The following CACNA1C variants were observed in gnomAD, a reference collection of about 807,000 sequenced individuals.
CACNA1C encodes voltage-dependent L-type calcium channel subunit alpha-1C.
In CACNA1C, 30 loss-of-function variants were observed where a neutral mutation model predicts 229.0. That is an observed-to-expected ratio of 0.13 (90% CI 0.10 to 0.18). The LOEUF is 0.18. Ranked by LOEUF, CACNA1C falls within the 10% of genes least tolerant of loss-of-function variation. The pLI, the probability that CACNA1C is intolerant of heterozygous loss-of-function variation, is 1.00. For synonymous variants in CACNA1C, 1,114 were observed against 1,132.5 expected (o/e 0.98, Z 0.33); for missense variants, 1,658 against 2,845.0 (o/e 0.58, Z 9.49).
At chr12:2,293,052 T>C (rs1213222882) in intron 3 of CACNA1C, among the ~76,000 whole-genome samples, 2 of 152,132 alleles carry the variant, frequency 1.3e-5, no homozygotes, top group Non-Finnish European at 2.9e-5. Context: ...CACAAACACT[T>C]GTGTGTATTA....
Position 2,585,315 on chromosome 12 carries a change from A to T in CACNA1C, c.2340-61A>T. The T allele has an allele frequency of 6.4e-7, 1 of 1,569,940 alleles. No individual in the cohort carries two copies. Among genetic ancestry groups the T allele is most frequent in the Non-Finnish European group, 8.6e-7 (1 of 1,156,544 alleles). On this transcript the variant is annotated intron_variant, in intron 16 of 46. Coordinates refer to ENST00000399655, the MANE Select transcript of CACNA1C (RefSeq NM_000719.7). This position sits in a 1 kb window ranked among gnomAD's most constrained non-coding sequence, Gnocchi z 4.1. The stretch of plus-strand genomic sequence containing the variant: ...ACAGGCCACAGGGCGGTTCCCTCCT[A>T]CACTGTTCCCTATCACTCCAGTAAA...
chr12:2,154,087 C>A (rs1326962889), intron 3 of CACNA1C, among the ~76,000 whole-genome samples: 1 of 152,198 alleles, frequency 6.6e-6, no homozygotes, highest in Admixed American at 6.5e-5. Flanking sequence ...GAGTGATTTC[C>A]TGTATGAAAT....
At chr12:2,364,206 A>G (rs2097659482) in intron 3 of CACNA1C, among the ~76,000 whole-genome samples, 1 of 152,216 alleles carries the variant, frequency 6.6e-6, no homozygotes, top group Non-Finnish European at 1.5e-5. Context: ...CATTATTGGC[A>G]TGATTTTGAC....
intron 29 of CACNA1C, among the ~76,000 whole-genome samples, chr12:2,618,799 C>G (rs2081954293): frequency 6.6e-6 from 1 of 152,260 alleles, no homozygotes; most frequent in Non-Finnish European, 1.5e-5. Context: ...AGGATGCACA[C>G]TGGAGCCCGT....
At chr12:2,074,449 A>G (rs954334587) in intron 1 of CACNA1C, among the ~76,000 whole-genome samples, 1 of 152,094 alleles carries the variant, frequency 6.6e-6, no homozygotes, top group African/African-American at 2.4e-5. Context: ...AGGCTCGGAG[A>G]TGATCTGACT....
chr12:2,597,747 G>T lies in CACNA1C; in HGVS notation c.2853+458G>T, dbSNP rs541694240. ...GCAGTCCGTGGCCTGGAAGGGACAC[G>T]TGTTGGCTGTGCCAACATTAAGGCT... On this transcript the variant is annotated intron_variant, in intron 21 of 46. Coordinates refer to ENST00000399655, the MANE Select transcript of CACNA1C (RefSeq NM_000719.7). This position sits in a 1 kb window ranked among gnomAD's most constrained non-coding sequence, Gnocchi z 4.3. Among the ~76,000 whole-genome samples, 1 of 152,172 alleles carries T rather than the reference G, an allele frequency of 6.6e-6. No individual in the cohort carries two copies. Among genetic ancestry groups the T allele is most frequent in the South Asian group, 2.1e-4 (1 of 4,818 alleles).
At chr12:2,036,365 A>AT (rs1371126828) in intron 1 of CACNA1C, among the ~76,000 whole-genome samples, 1 of 152,152 alleles carries the variant, frequency 6.6e-6, no homozygotes, top group African/African-American at 2.4e-5. Context: ...AGAAAAGGGG[A>AT]ATCAGGCTTT....
intron 3 of CACNA1C, among the ~76,000 whole-genome samples, chr12:2,174,259 G>A (rs762464371): frequency 6.6e-6 from 1 of 152,058 alleles, no homozygotes; most frequent in Non-Finnish European, 1.5e-5. Flanking sequence ...GCAGGCAGAG[G>A]TGCTTTCTCT....
intron 3 of CACNA1C, among the ~76,000 whole-genome samples, chr12:2,225,420 G>A (rs951772110): frequency 6.6e-6 from 1 of 152,148 alleles, no homozygotes. Flanking sequence ...AAAGAAATCA[G>A]TTATCAAGAA....
intron 3 of CACNA1C, among the ~76,000 whole-genome samples, chr12:2,129,074 T>C (rs2091360919): frequency 6.6e-6 from 1 of 152,190 alleles, no homozygotes. Flanking sequence ...TTCCCACTCA[T>C]ACCATCACAG....
At position 2,608,794 on chromosome 12, in the gene CACNA1C, G is replaced by T; in HGVS notation, c.3558+82G>T. 1 of 1,379,002 alleles carries T rather than the reference G, an allele frequency of 7.3e-7. No homozygotes were observed. The highest frequency in any genetic ancestry group is 1.3e-5 in the South Asian group (1 of 79,988). 85.4% of individuals were successfully genotyped at this position (1,379,002 alleles called of 1,614,324 possible). On this transcript the variant is annotated intron_variant, in intron 27 of 46. Coordinates refer to ENST00000399655, the MANE Select transcript of CACNA1C (RefSeq NM_000719.7). The surrounding 1 kb of genome is among the most constrained non-coding windows in gnomAD (Gnocchi z 4.2). ...GCGGCCCACCCCGCAGAGGGGCTGC[G>T]ACAGGGAGAGGCCGTGCAGATACTG...
At chr12:1,991,331 G>A (rs1435901696) in intron 1 of CACNA1C, 3 of 425,112 alleles carry the variant, frequency 7.1e-6, no homozygotes, top group South Asian at 1.7e-5. Context: ...TATAAAATAC[G>A]GAAACATAAA....
rs115234929 is a variant in CACNA1C at position 2,023,529 on chromosome 12, C to G, written c.139+52328C>G. On this transcript the variant is annotated intron_variant, in intron 1 of 46. Coordinates refer to the CACNA1C transcript ENST00000682462. Reference sequence around the variant, plus strand: ...TCCACCTGCCGAGTGAGAACTTCCTCCTATTGGCTAATGTGGAAGCTCTGG... The same window carrying G: ...TCCACCTGCCGAGTGAGAACTTCCTGCTATTGGCTAATGTGGAAGCTCTGG... Among the ~76,000 whole-genome samples, 658 of 152,280 alleles carry G rather than the reference C, an allele frequency of 4.3e-3. 3 individuals carry two copies. Among genetic ancestry groups the G allele is most frequent in the African/African-American group, 0.015 (625 of 41,566 alleles).
In CACNA1C at chr12:2,504,426, G is replaced by C. The variant is rs187604163; in HGVS notation, c.1114-416G>C. ...GCTTCTTCTTTCCTAACTTTCCTTC[G>C]TCTTTCCAGATGCAGGACGCTATGG... On this transcript the variant is annotated intron_variant, in intron 7 of 46. Transcript: ENST00000399655. The surrounding 1 kb of genome is among the most constrained non-coding windows in gnomAD (Gnocchi z 6.8). 6.6e-7 allele frequency: 1 copy of C among 1,523,504 alleles called. No homozygotes were observed. The highest frequency in any genetic ancestry group is 1.1e-5 in the South Asian group (1 of 89,158). The allele number at this position is 1,523,504 out of a possible 1,614,324, so 94.4% of individuals were successfully genotyped here. A position where few individuals can be genotyped will look rare whatever the true frequency, so the allele number is the denominator to read the frequency against.
At chr12:2,295,719 A>G (rs1287604586) in intron 3 of CACNA1C, among the ~76,000 whole-genome samples, 2 of 152,258 alleles carry the variant, frequency 1.3e-5, no homozygotes, top group Non-Finnish European at 2.9e-5. Context: ...ATGATTGAAT[A>G]CAGCGTAACC....
intron 3 of CACNA1C, among the ~76,000 whole-genome samples, chr12:2,246,703 C>G (rs1053146741): frequency 6.6e-6 from 1 of 152,292 alleles, no homozygotes; most frequent in Admixed American, 6.5e-5. Flanking sequence ...TTAACTGCTA[C>G]GCTCTGTCCT....
intron 7 of CACNA1C, among the ~76,000 whole-genome samples, chr12:2,495,579 A>G (rs1347035447): frequency 6.6e-6 from 1 of 152,228 alleles, no homozygotes; most frequent in African/African-American, 2.4e-5. Context: ...ATACTGTCAT[A>G]ATGACAGCCG....
Position 2,493,930 on chromosome 12 carries a change from A to G in CACNA1C, c.1113+544A>G, listed in dbSNP as rs1280625269. Among the ~76,000 whole-genome samples, 1 of 152,246 alleles carries G rather than the reference A, an allele frequency of 6.6e-6. No individual in the cohort carries two copies. Among genetic ancestry groups the G allele is most frequent in the Non-Finnish European group, 1.5e-5 (1 of 68,042 alleles). ...TTACCTTAACATATTAGAATAGTCC[A>G]TCAGACAAATGCATTGGCAGCATTT... On this transcript the variant is annotated intron_variant, in intron 7 of 46. Transcript: ENST00000399655. This position sits in a 1 kb window ranked among gnomAD's most constrained non-coding sequence, Gnocchi z 4.6.
chr12:2,245,435 A>G (rs745328344), intron 3 of CACNA1C, among the ~76,000 whole-genome samples: 21 of 152,302 alleles, frequency 1.4e-4, no homozygotes, highest in Non-Finnish European at 2.6e-4. Flanking sequence ...GGTGCTTTAT[A>G]ATAAACCTCT....
Sources: allele counts gnomAD v4.1 joint callset (sites outside exome capture counted in the v4.1 genomes callset), GRCh38; gene constraint gnomAD v4.1.1; non-coding constraint Gnocchi (gnomAD v3.1); transcripts MANE v1.5; gene names NCBI Gene and HGNC (gene_info 2026-07-23, HGNC 2026-07-21).